Variants in CDH4 observed in about 807,000 individuals in gnomAD.
The protein encoded by CDH4 is cadherin-4.
In CDH4, 33 loss-of-function variants were observed where a neutral mutation model predicts 86.0. The ratio of observed to expected loss-of-function variants is 0.38; its 90% CI spans 0.29 to 0.51. The LOEUF is 0.51. Ranked by LOEUF, CDH4 falls within the 20% of genes least tolerant of loss-of-function variation. The probability of loss-of-function intolerance (pLI) is 0.86; values close to 1 mark genes in which losing one functional copy is unlikely to be tolerated. For synonymous variants in CDH4, 555 were observed against 549.4 expected (o/e 1.01, Z -0.14); for missense variants, 1,114 against 1,307.4 (o/e 0.85, Z 2.28).
At chr20:61,565,310 G>C (rs1600764545) in intron 2 of CDH4, among the ~76,000 whole-genome samples, 1 of 114,024 alleles carries the variant, frequency 8.8e-6, no homozygotes, top group Non-Finnish European at 2.0e-5. Context: ...GGTGCTCTTG[G>C]TGGTGGCGGT....
intron 2 of CDH4, among the ~76,000 whole-genome samples, chr20:61,575,820 C>T (rs2086378751): frequency 6.6e-6 from 1 of 152,198 alleles, no homozygotes; most frequent in African/African-American, 2.4e-5. Context: ...AAGAAATTGA[C>T]CCAGATGGGA....
At chr20:61,307,587 A>C (rs2084424126) in intron 2 of CDH4, among the ~76,000 whole-genome samples, 1 of 152,260 alleles carries the variant, frequency 6.6e-6, no homozygotes, top group Non-Finnish European at 1.5e-5. Flanking sequence ...ACCTCGAAGA[A>C]GTCCCTGCCC....
At chr20:61,317,762 G>A (rs1459457460) in intron 2 of CDH4, among the ~76,000 whole-genome samples, 5 of 152,270 alleles carry the variant, frequency 3.3e-5, no homozygotes, top group Admixed American at 6.5e-5. Flanking sequence ...AGACCCCCAC[G>A]GTTCTAGACA....
chr20:61,581,591 C>T lies in CDH4; in HGVS notation c.170-161972C>T, dbSNP rs185449389. Among the ~76,000 whole-genome samples, 433 of 152,238 alleles carry T rather than the reference C, an allele frequency of 2.8e-3. 2 individuals carry two copies. Among genetic ancestry groups the T allele is most frequent in the Admixed American group, 0.015 (232 of 15,302 alleles). On this transcript the variant is annotated intron_variant, in intron 2 of 15. Transcript: ENST00000614565. ...GCAGCCTCTTCCGGTCTGTGTGCTCCGAAGTCACACCTCCTCCTCGGACCC... is the reference window on the plus strand; with the variant it reads ...GCAGCCTCTTCCGGTCTGTGTGCTCTGAAGTCACACCTCCTCCTCGGACCC...
chr20:61,581,907 C>A (rs1007180363), intron 2 of CDH4, among the ~76,000 whole-genome samples: 4 of 152,204 alleles, frequency 2.6e-5, no homozygotes, highest in Non-Finnish European at 5.9e-5. Context: ...GTCTCCCCAG[C>A]CGGTAGACCT....
chr20:61,408,474 A>G (rs1191443104), intron 2 of CDH4, among the ~76,000 whole-genome samples: 1 of 152,176 alleles, frequency 6.6e-6, no homozygotes, highest in Non-Finnish European at 1.5e-5. Context: ...GACTCAGTGC[A>G]CATCACTGTG....
rs2088794022 is a variant in CDH4, at chr20:61,773,021, G to A, written c.415G>A (p.Val139Ile). The change falls in exon 4 of 16, where the codon GTC (valine) becomes ATC (isoleucine). Residue 139 changes from valine to isoleucine, a missense_variant. Val to Ile is a conservative substitution (Grantham distance 29). Around this residue, in one of 3 missense-constraint regions of CDH4, gnomAD observed 221 missense variants for 209.5 expected, o/e 1.05. Coordinates refer to ENST00000614565, the MANE Select transcript of CDH4 (RefSeq NM_001794.5). ...AATAAAGCCGCAGAAAGGAAAGAAG[G>A]TCGTGGCTCTGGACCCCTCTCCGCC... ...SGHKPQKGKK[V>I]VALDPSPPPK... 1 of 1,611,524 alleles carries A rather than the reference G, an allele frequency of 6.2e-7. No individual in the cohort carries two copies. The highest frequency in any genetic ancestry group is 8.5e-7 in the Non-Finnish European group (1 of 1,178,352).
At chr20:61,658,198 C>T (rs1221135351) in intron 2 of CDH4, among the ~76,000 whole-genome samples, 1 of 152,112 alleles carries the variant, frequency 6.6e-6, no homozygotes, top group African/African-American at 2.4e-5. Flanking sequence ...CATCTGCAAC[C>T]CCCGAGCCAT....
rs536879161 is a variant in CDH4 at position 61,884,456 on chromosome 20, G to A, written c.1051-10454G>A. ...GAGACAGTGGCAGTGGACGGTCCAC[G>A]AGTTTAAAGGGGTGAGCAGGGTGTT... On this transcript the variant is annotated intron_variant, in intron 7 of 15. Coordinates refer to ENST00000614565, the MANE Select transcript of CDH4 (RefSeq NM_001794.5). Among the ~76,000 whole-genome samples the A allele has an allele frequency of 1.2e-4, 18 of 152,290 alleles. No individual in the cohort carries two copies. The East Asian group carries it at 2.3e-3, about 20-fold the overall frequency.
At chr20:61,692,621 G>A (rs1041714395) in intron 2 of CDH4, among the ~76,000 whole-genome samples, 15 of 152,184 alleles carry the variant, frequency 9.9e-5, no homozygotes, top group Admixed American at 2.0e-4. Context: ...TCTCAGATCT[G>A]TGTCCGTGCG....
At chr20:61,396,165 G>A (rs749010197) in intron 2 of CDH4, among the ~76,000 whole-genome samples, 1 of 152,176 alleles carries the variant, frequency 6.6e-6, no homozygotes, top group Non-Finnish European at 1.5e-5. Context: ...AGCCCTGAAA[G>A]CCTAAAATAT....
At chr20:61,894,880 G>C (rs1197056959) in intron 7 of CDH4, 30 bp from the exon 8 acceptor site, 3 of 1,593,524 alleles carry the variant, frequency 1.9e-6, no homozygotes, top group African/African-American at 2.7e-5. Context: ...CTGATTTTCT[G>C]TTCTTTCTCA....
chr20:61,498,829 C>G (rs970787809), intron 2 of CDH4, among the ~76,000 whole-genome samples: 4 of 152,146 alleles, frequency 2.6e-5, no homozygotes, highest in Non-Finnish European at 5.9e-5. Flanking sequence ...CATTCGAAGC[C>G]GTCCTGGGCC....
intron 3 of CDH4, among the ~76,000 whole-genome samples, chr20:61,764,582 C>T (rs1379896954): frequency 2.0e-5 from 3 of 152,122 alleles, no homozygotes; most frequent in Admixed American, 1.3e-4. Flanking sequence ...CAGGGCCCCC[C>T]GAGCAGCCCA....
intron 2 of CDH4, chr20:61,436,459 T>C (rs991276177): frequency 6.6e-6 from 1 of 152,202 alleles, no homozygotes; most frequent in South Asian, 2.1e-4. Context: ...CTCACTGGAA[T>C]GACTCACAGA....
At chr20:61,303,973 GT>G (rs1389557788) in intron 2 of CDH4, among the ~76,000 whole-genome samples, 1 of 152,152 alleles carries the variant, frequency 6.6e-6, no homozygotes, top group Non-Finnish European at 1.5e-5. Context: ...ACCTGGGGCT[GT>G]TCTTCTGAAG....
intron 2 of CDH4, among the ~76,000 whole-genome samples, chr20:61,543,164 T>G (rs982215050): frequency 6.6e-6 from 1 of 152,232 alleles, no homozygotes; most frequent in Non-Finnish European, 1.5e-5. Context: ...ACGCTGGGTC[T>G]GCCTCTTCCA....
intron 2 of CDH4, among the ~76,000 whole-genome samples, chr20:61,555,932 A>G (rs1029189594): frequency 6.6e-6 from 1 of 152,220 alleles, no homozygotes; most frequent in Non-Finnish European, 1.5e-5. Flanking sequence ...CAGCCCATAA[A>G]GATTGATTCT....
intron 4 of CDH4, among the ~76,000 whole-genome samples, chr20:61,825,267 C>T (rs938929203): frequency 2.0e-5 from 3 of 152,002 alleles, no homozygotes; most frequent in Admixed American, 6.6e-5. Context: ...AAATTAGCCC[C>T]GCATGGTGGT....
Sources: gnomAD v4.1 joint callset for allele counts (sites outside exome capture counted in the v4.1 genomes callset) on GRCh38, gnomAD v4.1.1 for gene constraint, gnomAD v4.1.1 regional missense constraint, MANE v1.5 for transcripts, NCBI Gene and HGNC (gene_info 2026-07-23, HGNC 2026-07-21) for gene names.